The following PLEKHB2 variants were observed in gnomAD, a reference collection of about 807,000 sequenced individuals.
The protein encoded by PLEKHB2 is pleckstrin homology domain-containing family B member 2.
A neutral mutation model predicts 36.5 loss-of-function variants in PLEKHB2; 31 were observed. The ratio of observed to expected loss-of-function variants is 0.85; its 90% confidence interval spans 0.64 to 1.15. PLEKHB2 has a LOEUF of 1.15. Ranked by LOEUF, PLEKHB2 falls within the 50% of genes most tolerant of loss-of-function variation. PLEKHB2 has a pLI of 0.00. For missense variants in PLEKHB2, 262 were observed against 295.3 expected, an observed-to-expected ratio of 0.89 and a Z score of 0.83; for synonymous variants, 119 against 112.0, an observed-to-expected ratio of 1.06 and a Z score of -0.39.
chr2:131,140,404 C>T (rs1018655207), intron 7 of PLEKHB2, 129 bp downstream of exon 7: 1 of 592,070 alleles, frequency 1.7e-6, no homozygotes. Context: ...GACTACAAAT[C>T]ACTCTGTTAC....
chr2:131,126,453 G>C (rs1302854570), intron 3 of PLEKHB2, among the ~76,000 whole-genome samples: 1 of 152,230 alleles, frequency 6.6e-6, no homozygotes, highest in Non-Finnish European at 1.5e-5. Flanking sequence ...TTGAACCCGG[G>C]AGTCAGAGGT....
At chr2:131,134,421 A>G (rs1036452569) in intron 6 of PLEKHB2, among the ~76,000 whole-genome samples, 35 of 152,278 alleles carry the variant, frequency 2.3e-4, no homozygotes, top group African/African-American at 7.5e-4. Flanking sequence ...CAAGTTTCCT[A>G]AGATTTTCTC....
intron 1 of PLEKHB2, among the ~76,000 whole-genome samples, chr2:131,106,422 T>G (rs1694743636): frequency 6.6e-6 from 1 of 152,094 alleles, no homozygotes; most frequent in East Asian, 1.9e-4. Context: ...CGAAGTCACA[T>G]GAGGAATTAG....
chr2:131,105,729 C>T (rs752965214), intron 1 of PLEKHB2, among the ~76,000 whole-genome samples: 1 of 152,196 alleles, frequency 6.6e-6, no homozygotes, highest in Admixed American at 6.5e-5. Flanking sequence ...TTTCCCCGAG[C>T]CCCTCCTCTC....
chr2:131,129,405 A>G (rs1227022333), intron 4 of PLEKHB2, among the ~76,000 whole-genome samples: 1 of 151,128 alleles, frequency 6.6e-6, no homozygotes, highest in African/African-American at 2.4e-5. Flanking sequence ...TCAGGGAGAT[A>G]GTAAAATGAG....
At chr2:131,132,037 T>C (rs143180792) in intron 5 of PLEKHB2, among the ~76,000 whole-genome samples, 2,611 of 152,242 alleles carry the variant, frequency 0.017, 68 homozygotes, top group African/African-American at 0.057. Flanking sequence ...TTTCATCATG[T>C]TGGTCAGGCT....
chr2:131,120,606 G>A (rs918263818), intron 1 of PLEKHB2: 2 of 385,424 alleles, frequency 5.2e-6, no homozygotes, highest in African/African-American at 2.1e-5. Flanking sequence ...CAGGGCTCCA[G>A]CAAGCCACGA....
intron 7 of PLEKHB2, among the ~76,000 whole-genome samples, chr2:131,141,171 T>C (rs1213401170): frequency 1.3e-5 from 2 of 152,194 alleles, no homozygotes; most frequent in South Asian, 4.1e-4. Context: ...TAGTTGTTGG[T>C]GGTTGCTTTG....
rs191470045 is a variant in PLEKHB2 at position 131,145,909 on chromosome 2, G to A, written c.533-728G>A. Reference sequence around the variant, plus strand: ...TAAAAAAGAGTAGGCCGGGCCGGGCGTGGTGGCTCATGCCTGTAATCTCAG... The same window carrying A: ...TAAAAAAGAGTAGGCCGGGCCGGGCATGGTGGCTCATGCCTGTAATCTCAG... On this transcript the variant is annotated intron_variant, in intron 7 of 7. Transcript: ENST00000693505. 3.9e-5 allele frequency among the ~76,000 whole-genome samples: 6 copies of A among 152,242 alleles called. 1 individual carries two copies. Among genetic ancestry groups the A allele is most frequent in the South Asian group, 4.1e-4 (2 of 4,824 alleles).
chr2:131,146,488 C>A (rs1175953245), intron 7 of PLEKHB2, 149 bp from the exon 8 acceptor site: 2 of 722,234 alleles, frequency 2.8e-6, no homozygotes, highest in Non-Finnish European at 4.4e-6. Context: ...GGATGTCGGC[C>A]ACATGATGTG....
Position 131,140,271 on chromosome 2 carries a change from T to G in PLEKHB2, c.528T>G (p.Tyr176Ter). ...ATGCCGTGCCCTACCAGTACCCATATGCAGGTAACTCACGCCGGCCTTTCA... is the reference window on the plus strand; with the variant it reads ...ATGCCGTGCCCTACCAGTACCCATAGGCAGGTAACTCACGCCGGCCTTTCA... ...QAYAVPYQYPYAGLYGQQPAN... is the reference protein window; with the variant it reads ...QAYAVPYQYP The change falls in exon 7 of 8, where the codon TAT becomes TAG. Residue 176 changes from tyrosine to a stop codon, truncating the protein, a stop_gained. Transcript: ENST00000693505. LOFTEE classifies it high-confidence loss of function. The G allele has an allele frequency of 6.4e-7, 1 of 1,559,508 alleles. No homozygotes were observed. Among genetic ancestry groups the G allele is most frequent in the East Asian group, 2.2e-5 (1 of 44,652 alleles).
chr2:131,115,316 G>A (rs955266827), intron 1 of PLEKHB2, among the ~76,000 whole-genome samples: 1 of 140,812 alleles, frequency 7.1e-6, no homozygotes, highest in Non-Finnish European at 1.5e-5. Context: ...TAGGAATAAA[G>A]CCAAACCATT....
At chr2:131,110,114 C>CAA (rs879482806) in intron 1 of PLEKHB2, among the ~76,000 whole-genome samples, 29 of 133,764 alleles carry the variant, frequency 2.2e-4, no homozygotes, top group African/African-American at 7.7e-4. Context: ...GACTCCGTCT[C>CAA]AAAAAAAAAA....
chr2:131,148,019 C>G lies in PLEKHB2; in HGVS notation c.*1246C>G, dbSNP rs1245168685. 1.3e-5 allele frequency: 2 copies of G among 152,354 alleles called. No individual in the cohort carries two copies. Among genetic ancestry groups the G allele is most frequent in the African/African-American group, 4.8e-5 (2 of 41,418 alleles). The allele number at this position is 152,354 out of a possible 1,614,324, so 9.4% of individuals were successfully genotyped here. ...CATTTCTGGCCTTTGGGGGTTTGCA[C>G]TGTGCGGGAGATGCTCTCTCATCAC... On this transcript the variant is annotated 3_prime_UTR_variant, in exon 8 of 8. Transcript: ENST00000693505.
At chr2:131,133,938 C>T (rs1411558620) in intron 6 of PLEKHB2, among the ~76,000 whole-genome samples, 15 of 140,026 alleles carry the variant, frequency 1.1e-4, no homozygotes, top group Non-Finnish European at 1.5e-4. Context: ...CTTGCTCTAT[C>T]GCCCAGGCTG....
At chr2:131,132,791 CTTTT>C (rs1163933849) in intron 5 of PLEKHB2, 107 bp from the exon 6 acceptor site, 4 of 676,176 alleles carry the variant, frequency 5.9e-6, no homozygotes, top group Non-Finnish European at 1.1e-5. Flanking sequence ...AGCTATGTAT[CTTTT>C]TGTTTTTTTA....
chr2:131,143,621 G>A (rs1159348948), intron 7 of PLEKHB2, among the ~76,000 whole-genome samples: 2 of 152,214 alleles, frequency 1.3e-5, no homozygotes, highest in Admixed American at 6.5e-5. Context: ...CATAAAGATG[G>A]CCTGTTGTGC....
chr2:131,141,182 G>A (rs1483395673), intron 7 of PLEKHB2, among the ~76,000 whole-genome samples: 2 of 152,140 alleles, frequency 1.3e-5, no homozygotes, highest in Non-Finnish European at 2.9e-5. Context: ...GGTTGCTTTG[G>A]CTTTTGATGC....
rs1699350526 is a variant in PLEKHB2, at chr2:131,146,992, C to T, written c.*219C>T. 1 of 395,088 alleles carries T rather than the reference C, an allele frequency of 2.5e-6. No homozygotes were observed. The highest frequency in any genetic ancestry group is 4.4e-5 in the Admixed American group (1 of 22,738). The allele number at this position is 395,088 out of a possible 1,614,324, so 24.5% of individuals were successfully genotyped here. ...TGTTGACTCTCCGGGGGCACTGGCTCATTCCAAGACTGTTCTTGTGCAACT... is the reference window on the plus strand; with the variant it reads ...TGTTGACTCTCCGGGGGCACTGGCTTATTCCAAGACTGTTCTTGTGCAACT... On this transcript the variant is annotated 3_prime_UTR_variant, in exon 8 of 8. Transcript: ENST00000693505.
Sources: allele counts gnomAD v4.1 joint callset (sites outside exome capture counted in the v4.1 genomes callset), GRCh38; gene constraint gnomAD v4.1.1; transcripts MANE v1.5; gene names NCBI Gene and HGNC (gene_info 2026-07-23, HGNC 2026-07-21).